OSBPL8: variants seen among roughly 807,000 people sequenced by gnomAD.
OSBPL8 encodes oxysterol-binding protein-related protein 8.
In OSBPL8, 59 loss-of-function variants were observed where a neutral mutation model predicts 125.5. That is an observed-to-expected ratio of 0.47 (90% CI 0.38 to 0.58). The LOEUF (loss-of-function observed/expected upper bound fraction) is 0.58. Ranked by LOEUF, OSBPL8 falls within the 20% of genes least tolerant of loss-of-function variation. The pLI is 0.00. For synonymous variants in OSBPL8, 330 were observed against 338.9 expected (o/e 0.97, Z 0.29); for missense variants, 758 against 1,047.8 (o/e 0.72, Z 3.82).
intron 1 of OSBPL8, among the ~76,000 whole-genome samples, chr12:76,543,207 C>A (rs1950693458): frequency 6.6e-6 from 1 of 152,038 alleles, no homozygotes; most frequent in African/African-American, 2.4e-5. Flanking sequence ...TAGTAACTTG[C>A]ACTGAAATCT....
intron 1 of OSBPL8, among the ~76,000 whole-genome samples, chr12:76,534,066 G>C (rs936363445): frequency 2.6e-5 from 4 of 152,144 alleles, no homozygotes; most frequent in Admixed American, 1.3e-4. Flanking sequence ...GAAAATACCT[G>C]AGTGCTATTT....
chr12:76,427,595 AG>A (rs1339820346), intron 4 of OSBPL8, among the ~76,000 whole-genome samples: 7 of 151,994 alleles, frequency 4.6e-5, no homozygotes, highest in Non-Finnish European at 7.4e-5. Context: ...ATCAAAATCT[AG>A]ATTATTCTAA....
chr12:76,510,618 G>A (rs565055492), intron 1 of OSBPL8, among the ~76,000 whole-genome samples: 128 of 152,198 alleles, frequency 8.4e-4, no homozygotes, highest in African/African-American at 2.0e-3. Flanking sequence ...AGTGGCTCAC[G>A]CCTGTAATCC....
intron 1 of OSBPL8, among the ~76,000 whole-genome samples, chr12:76,501,796 T>C (rs1479158118): frequency 6.6e-6 from 1 of 152,260 alleles, no homozygotes; most frequent in Non-Finnish European, 1.5e-5. Context: ...ATTAGCTAGT[T>C]GCCCAGTGGC....
intron 1 of OSBPL8, among the ~76,000 whole-genome samples, chr12:76,550,432 A>C (rs1452095748): frequency 6.6e-6 from 1 of 152,194 alleles, no homozygotes; most frequent in Non-Finnish European, 1.5e-5. Flanking sequence ...ATTTAGAGAC[A>C]ACCTGTGGAC....
intron 12 of OSBPL8, among the ~76,000 whole-genome samples, chr12:76,388,416 T>A (rs191190889): frequency 1.4e-4 from 21 of 152,320 alleles, no homozygotes; most frequent in Non-Finnish European, 4.4e-5. Context: ...GGCAACAGTG[T>A]GTAATGCCAG....
intron 4 of OSBPL8, among the ~76,000 whole-genome samples, chr12:76,438,498 G>A (rs943751476): frequency 2.0e-5 from 3 of 151,890 alleles, no homozygotes; most frequent in African/African-American, 7.3e-5. Context: ...TGATTTCTGT[G>A]TCAATTAGGG....
At chr12:76,488,464 C>T (rs540794583) in intron 1 of OSBPL8, among the ~76,000 whole-genome samples, 1 of 152,186 alleles carries the variant, frequency 6.6e-6, no homozygotes, top group East Asian at 1.9e-4. Flanking sequence ...AGGTTGGTGA[C>T]AGCCTTGCAG....
chr12:76,456,718 A>G (rs1479745962), intron 3 of OSBPL8, among the ~76,000 whole-genome samples: 1 of 152,202 alleles, frequency 6.6e-6, no homozygotes, highest in African/African-American at 2.4e-5. Flanking sequence ...CACATATTGT[A>G]TATGTTGTAT....
chr12:76,465,930 C>T (rs1403929754), intron 2 of OSBPL8, among the ~76,000 whole-genome samples: 1 of 151,176 alleles, frequency 6.6e-6, no homozygotes, highest in Non-Finnish European at 1.5e-5. Flanking sequence ...TTCTTGAACC[C>T]GGGAGGTGAA....
chr12:76,417,242 T>C (rs1418461310), intron 4 of OSBPL8, among the ~76,000 whole-genome samples: 1 of 152,232 alleles, frequency 6.6e-6, no homozygotes, highest in Non-Finnish European at 1.5e-5. Flanking sequence ...ACCTGTAGCT[T>C]CTACTGTTTC....
intron 4 of OSBPL8, among the ~76,000 whole-genome samples, chr12:76,437,289 T>A (rs1871581692): frequency 6.6e-6 from 1 of 152,214 alleles, no homozygotes; most frequent in African/African-American, 2.4e-5. Context: ...TTCATATCCT[T>A]ACTGACACCT....
At chr12:76,365,254 A>C (rs1050815479) in intron 21 of OSBPL8, among the ~76,000 whole-genome samples, 5 of 152,138 alleles carry the variant, frequency 3.3e-5, no homozygotes, top group Admixed American at 6.5e-5. Context: ...AATCTTAACA[A>C]TATTAACCTT....
chr12:76,540,673 A>G (rs1950617468), intron 1 of OSBPL8, among the ~76,000 whole-genome samples: 1 of 151,156 alleles, frequency 6.6e-6, no homozygotes. Context: ...TAATAATCAT[A>G]TTTTTTCTTT....
At chr12:76,379,094 TGA>T (rs1424841819) in intron 15 of OSBPL8, among the ~76,000 whole-genome samples, 1 of 152,192 alleles carries the variant, frequency 6.6e-6, no homozygotes, top group Non-Finnish European at 1.5e-5. Context: ...GCCTGTTTTA[TGA>T]GAGTTACAAG....
chr12:76,497,845 T>C (rs186326792), intron 1 of OSBPL8, among the ~76,000 whole-genome samples: 3 of 152,332 alleles, frequency 2.0e-5, no homozygotes, highest in South Asian at 2.1e-4. Flanking sequence ...CTCCATAACT[T>C]GTACAAGCAG....
At chr12:76,533,322 G>C (rs989340599) in intron 1 of OSBPL8, among the ~76,000 whole-genome samples, 1 of 152,078 alleles carries the variant, frequency 6.6e-6, no homozygotes, top group Non-Finnish European at 1.5e-5. Flanking sequence ...GTTTACTCAG[G>C]AATGTAATCT....
chr12:76,523,539 G>C (rs182921148), intron 1 of OSBPL8, among the ~76,000 whole-genome samples: 82 of 152,330 alleles, frequency 5.4e-4, no homozygotes, highest in Middle Eastern at 6.8e-3. Flanking sequence ...GTGATGACAT[G>C]TGGAGATAGG....
intron 7 of OSBPL8, among the ~76,000 whole-genome samples, chr12:76,398,922 G>A (rs964815000): frequency 1.2e-4 from 18 of 152,178 alleles, no homozygotes; most frequent in Non-Finnish European, 2.9e-5. Flanking sequence ...ACAGAACATG[G>A]AGGACAAATT....
Sources: allele counts gnomAD v4.1 joint callset (sites outside exome capture counted in the v4.1 genomes callset), GRCh38; gene constraint gnomAD v4.1.1; transcripts MANE v1.5; gene names NCBI Gene and HGNC (gene_info 2026-07-23, HGNC 2026-07-21).